PIP4K2C: variants seen among roughly 807,000 people sequenced by gnomAD.
PIP4K2C encodes the protein phosphatidylinositol-5-phosphate 4-kinase type 2 gamma, also known as phosphatidylinositol 5-phosphate 4-kinase type-2 gamma.
PIP4K2C carries 21 observed loss-of-function variants against 45.0 expected under a neutral mutation model. The ratio of observed to expected loss-of-function variants is 0.47; its 90% CI spans 0.33 to 0.67. The LOEUF is 0.67. PIP4K2C is among the 30% of genes least tolerant of loss of function. The pLI is 0.02. For synonymous variants in PIP4K2C, 201 were observed against 204.8 expected (o/e 0.98, Z 0.16); for missense variants, 456 against 542.8 (o/e 0.84, Z 1.59).
chr12:57,602,671 C>CT lies in PIP4K2C; in HGVS notation c.*1070dup, dbSNP rs1464449839. Reference sequence around the variant, plus strand: ...CCTAGCACACTTCCTTCTCCCACCCCTTTTTCCAGTTGGATTTGTTTTTCT... The same window carrying CT: ...CCTAGCACACTTCCTTCTCCCACCCCTTTTTTCCAGTTGGATTTGTTTTTCT... On this transcript the variant is annotated 3_prime_UTR_variant, in exon 10 of 10. Coordinates refer to ENST00000354947, the MANE Select transcript of PIP4K2C (RefSeq NM_024779.5). The CT allele has an allele frequency of 6.6e-6, 1 of 152,534 alleles. No homozygotes were observed. Among genetic ancestry groups the CT allele is most frequent in the Admixed American group, 6.5e-5 (1 of 15,280 alleles). The allele number at this position is 152,534 out of a possible 1,614,324, so 9.4% of individuals were successfully genotyped here.
At chr12:57,600,747 T>A in intron 7 of PIP4K2C, 64 bp from the exon 8 acceptor site, 1 of 1,595,470 alleles carries the variant, frequency 6.3e-7, no homozygotes, top group Non-Finnish European at 8.6e-7. Context: ...AAGGTACAGG[T>A]ACAGGGGTGA....
chr12:57,594,368 T>A (rs1316124694), intron 2 of PIP4K2C, among the ~76,000 whole-genome samples: 1 of 152,162 alleles, frequency 6.6e-6, no homozygotes, highest in Non-Finnish European at 1.5e-5. Flanking sequence ...GCTCTTTCTC[T>A]CTTTTTCTGC....
intron 6 of PIP4K2C, 58 bp downstream of exon 6, chr12:57,599,496 G>A: frequency 6.3e-7 from 1 of 1,591,686 alleles, no homozygotes; most frequent in South Asian, 1.1e-5. Context: ...GGCAGATGAG[G>A]GGAACTTCTT....
Position 57,599,387 on chromosome 12 carries a change from G to T in PIP4K2C, c.661-13G>T, listed in dbSNP as rs768610457. On this transcript the variant is annotated splice_polypyrimidine_tract_variant and intron_variant, in intron 5 of 9. Coordinates refer to ENST00000354947, the MANE Select transcript of PIP4K2C (RefSeq NM_024779.5). ...GCCACTTCTACTGACTTGGTGTTTG[G>T]GTCTTTCTGCAGGGTTCCCTAGTGT... 7 of 1,614,084 alleles carry T rather than the reference G, an allele frequency of 4.3e-6. No individual in the cohort carries two copies. Among genetic ancestry groups the T allele is most frequent in the Middle Eastern group, 1.6e-4 (1 of 6,062 alleles).
chr12:57,595,096 GT>G (rs1460787210), intron 2 of PIP4K2C, 29 bp from the exon 3 acceptor site: 1 of 1,383,226 alleles, frequency 7.2e-7, no homozygotes, highest in African/African-American at 1.4e-5. Flanking sequence ...AATATTGTTT[GT>G]TTTCTTACTT....
intron 4 of PIP4K2C, 45 bp downstream of exon 4, chr12:57,596,076 C>A: frequency 6.3e-7 from 1 of 1,579,760 alleles, no homozygotes; most frequent in African/African-American, 1.3e-5. Flanking sequence ...CCTCCCTACT[C>A]ACATATAGCT....
At chr12:57,598,823 T>A (rs1883301408) in intron 4 of PIP4K2C, among the ~76,000 whole-genome samples, 1 of 152,140 alleles carries the variant, frequency 6.6e-6, no homozygotes, top group Non-Finnish European at 1.5e-5. Context: ...TAAAGGTGAA[T>A]TGAGAGATGA....
chr12:57,595,497 G>T (rs1883150003), intron 3 of PIP4K2C, among the ~76,000 whole-genome samples: 1 of 152,166 alleles, frequency 6.6e-6, no homozygotes, highest in Admixed American at 6.5e-5. Flanking sequence ...CTGAGGTCAG[G>T]AGTTCGAGAC....
At chr12:57,596,213 CA>C (rs903599898) in intron 4 of PIP4K2C, among the ~76,000 whole-genome samples, 182 bp downstream of exon 4, 2 of 152,090 alleles carry the variant, frequency 1.3e-5, no homozygotes, top group African/African-American at 4.8e-5. Flanking sequence ...AGGCTGGGGG[CA>C]GTGGCTCACA....
Position 57,599,058 on chromosome 12 carries a change from A to G in PIP4K2C, c.514-7A>G. The G allele has an allele frequency of 6.2e-7, 1 of 1,611,978 alleles. No individual in the cohort carries two copies. On this transcript the variant is annotated splice_region_variant and splice_polypyrimidine_tract_variant and intron_variant, in intron 4 of 9. Transcript: ENST00000354947. ...TCTCCCCATTCCTTCCCCCTCTTTCACTGTAGTACATTGTGAAGTGCCATG... is the reference window on the plus strand; with the variant it reads ...TCTCCCCATTCCTTCCCCCTCTTTCGCTGTAGTACATTGTGAAGTGCCATG...
At chr12:57,591,542 T>C (rs1882957881) in intron 1 of PIP4K2C, 79 bp downstream of exon 1, 2 of 1,456,916 alleles carry the variant, frequency 1.4e-6, no homozygotes, top group Non-Finnish European at 1.8e-6. Context: ...GGCTCCAGCC[T>C]CCGGAGCCCC....
chr12:57,600,048 C>CAAAAA (rs56278212), intron 6 of PIP4K2C, among the ~76,000 whole-genome samples: 1 of 139,470 alleles, frequency 7.2e-6, no homozygotes, highest in Non-Finnish European at 1.5e-5. Context: ...GATCCTATCT[C>CAAAAA]AAAAAAAAAA....
At chr12:57,593,971 G>A (rs1008513567) in intron 1 of PIP4K2C, 54 bp from the exon 2 acceptor site, 16 of 1,378,252 alleles carry the variant, frequency 1.2e-5, no homozygotes, top group Admixed American at 7.1e-5. Flanking sequence ...CAGTGTATGG[G>A]TAGCTCTCCA....
chr12:57,602,944 T>TGA lies in PIP4K2C; in HGVS notation c.*1340_*1341dup, dbSNP rs1883506991. The TGA allele has an allele frequency of 6.6e-6, 1 of 152,082 alleles. No individual in the cohort carries two copies. The highest frequency in any genetic ancestry group is 2.4e-5 in the African/African-American group (1 of 41,312). The allele number at this position is 152,082 out of a possible 1,614,324, so 9.4% of individuals were successfully genotyped here. On this transcript the variant is annotated 3_prime_UTR_variant, in exon 10 of 10. Transcript: ENST00000354947. Reference sequence around the variant, plus strand: ...TCTTCTTGCTATCCTCCATCCCCCTTGAGGCTTCCACTTTTTTTTTTTTTA... The same window carrying TGA: ...TCTTCTTGCTATCCTCCATCCCCCTTGAGAGGCTTCCACTTTTTTTTTTTTTA...
intron 4 of PIP4K2C, among the ~76,000 whole-genome samples, chr12:57,597,494 T>G (rs1294957485): frequency 6.6e-6 from 1 of 152,226 alleles, no homozygotes; most frequent in African/African-American, 2.4e-5. Context: ...CAGATGAGGA[T>G]GTCCAGTAAG....
chr12:57,594,244 C>A, intron 2 of PIP4K2C, 122 bp downstream of exon 2: 1 of 758,410 alleles, frequency 1.3e-6, no homozygotes, highest in Non-Finnish European at 2.1e-6. Context: ...TAGTTTTGTG[C>A]AAGGAAACCA....
At position 57,600,982 on chromosome 12, in the gene PIP4K2C, C is replaced by G; in HGVS notation, c.985C>G (p.Pro329Ala). 6.2e-7 allele frequency: 1 copy of G among 1,614,192 alleles called. No individual in the cohort carries two copies. Among genetic ancestry groups the G allele is most frequent in the Non-Finnish European group, 8.5e-7 (1 of 1,180,042 alleles). ...PALVGSYGTSPEGIGGYIHSH... is the reference protein window; with the variant it reads ...PALVGSYGTSAEGIGGYIHSH... The stretch of plus-strand genomic sequence containing the variant: ...TCTGGTGGGCTCCTATGGCACCTCC[C>G]CAGAGGGTATCGGAGGCTACATCCA... The change falls in exon 8 of 10, where the codon CCA becomes GCA. Residue 329 changes from proline (P) to alanine (A), a missense_variant. Around this residue, in one of 2 missense-constraint regions of PIP4K2C, gnomAD observed 421 missense variants for 473.1 expected, o/e 0.89. Coordinates refer to ENST00000354947, the MANE Select transcript of PIP4K2C (RefSeq NM_024779.5).
At chr12:57,595,299 G>A in intron 3 of PIP4K2C, 77 bp downstream of exon 3, 1 of 922,184 alleles carries the variant, frequency 1.1e-6, no homozygotes, top group South Asian at 1.4e-5. Flanking sequence ...AGCCATATTT[G>A]GAGAAATGAG....
intron 3 of PIP4K2C, among the ~76,000 whole-genome samples, chr12:57,595,594 T>C (rs934515108): frequency 2.6e-5 from 4 of 151,650 alleles, no homozygotes; most frequent in African/African-American, 7.3e-5. Flanking sequence ...TCCCCGCTAC[T>C]TGGGAGGCTG....
Sources: gnomAD v4.1 joint callset for allele counts (sites outside exome capture counted in the v4.1 genomes callset) on GRCh38, gnomAD v4.1.1 for gene constraint, gnomAD v4.1.1 regional missense constraint, MANE v1.5 for transcripts, NCBI Gene and HGNC (gene_info 2026-07-23, HGNC 2026-07-21) for gene names.